The following FSTL1 variants were observed in gnomAD, a reference collection of about 807,000 sequenced individuals.
The protein encoded by FSTL1 is follistatin-related protein 1.
A neutral mutation model predicts 45.9 loss-of-function variants in FSTL1; 24 were observed. The ratio of observed to expected loss-of-function variants is 0.52; its 90% confidence interval spans 0.38 to 0.74. FSTL1 has a LOEUF of 0.74. Ranked by LOEUF, FSTL1 falls within the 30% of genes least tolerant of loss-of-function variation. FSTL1 has a pLI of 0.00. For missense variants in FSTL1, 340 were observed against 381.8 expected, an observed-to-expected ratio of 0.89 and a Z score of 0.91; for synonymous variants, 120 against 137.6, an observed-to-expected ratio of 0.87 and a Z score of 0.89.
intron 5 of FSTL1, chr3:120,410,132 G>A (rs1269083790): frequency 1.9e-5 from 3 of 161,810 alleles, no homozygotes; most frequent in Non-Finnish European, 4.1e-5. Flanking sequence ...ACTTACAACT[G>A]TATACCACCT....
intron 2 of FSTL1, chr3:120,441,121 G>C (rs1937623051): frequency 6.6e-6 from 1 of 152,170 alleles, no homozygotes; most frequent in African/African-American, 2.4e-5. Context: ...TTGAAATAAT[G>C]AAAGCAAAGG....
At chr3:120,399,521 A>C (rs1936774712) in intron 10 of FSTL1, among the ~76,000 whole-genome samples, 2 of 152,306 alleles carry the variant, frequency 1.3e-5, no homozygotes, top group Middle Eastern at 6.8e-3. Flanking sequence ...GCCTGCTTTC[A>C]GGAGCTCACA....
intron 6 of FSTL1, among the ~76,000 whole-genome samples, chr3:120,406,723 G>A (rs996644213): frequency 6.6e-6 from 1 of 151,906 alleles, no homozygotes; most frequent in Non-Finnish European, 1.5e-5. Flanking sequence ...CCTAATCATG[G>A]ACCATGAACC....
chr3:120,425,203 C>T (rs1937355516), intron 2 of FSTL1, among the ~76,000 whole-genome samples: 1 of 152,010 alleles, frequency 6.6e-6, no homozygotes, highest in Non-Finnish European at 1.5e-5. Flanking sequence ...CAGTCAACAG[C>T]CTGCACAATG....
intron 3 of FSTL1, among the ~76,000 whole-genome samples, chr3:120,415,296 C>G (rs530389104): frequency 1.2e-4 from 18 of 152,192 alleles, no homozygotes; most frequent in African/African-American, 4.1e-4. Context: ...GTAAACAACC[C>G]AAAGAACCAA....
intron 3 of FSTL1, among the ~76,000 whole-genome samples, chr3:120,412,633 G>A (rs1937077876): frequency 6.6e-6 from 1 of 152,258 alleles, no homozygotes. Flanking sequence ...CACATCAAAT[G>A]AGCAGAAAGG....
At position 120,402,885 on chromosome 3, in the gene FSTL1, C is replaced by T. The variant is rs769875437; in HGVS notation, c.728G>A (p.Gly243Glu). Residue 243 changes from glycine to glutamate, a missense_variant, in exon 9 of 11, where the codon GGA becomes GAA. Transcript: ENST00000295633. The stretch of plus-strand genomic sequence containing the variant: ...GTTACAGTCCACCTCGGTCTCAGCT[C>T]CATCTGCATACGTTTCATCCTCCAG... ...CALEDETYAD[G>E]AETEVDCNRC... 7 of 1,613,336 alleles carry T rather than the reference C, an allele frequency of 4.3e-6. No individual in the cohort carries two copies. Among genetic ancestry groups the T allele is most frequent in the Non-Finnish European group, 5.1e-6 (6 of 1,179,288 alleles).
At chr3:120,428,614 A>C (rs186488231) in intron 2 of FSTL1, among the ~76,000 whole-genome samples, 1 of 152,218 alleles carries the variant, frequency 6.6e-6, no homozygotes, top group East Asian at 1.9e-4. Flanking sequence ...TGCACCTGTA[A>C]ATCCAGCTAC....
intron 2 of FSTL1, among the ~76,000 whole-genome samples, chr3:120,437,571 T>G (rs1937584138): frequency 6.6e-6 from 1 of 152,040 alleles, no homozygotes; most frequent in South Asian, 2.1e-4. Flanking sequence ...TGTCTATTTG[T>G]GTGTGTGTGT....
At chr3:120,403,075 T>G (rs928428492) in intron 8 of FSTL1, among the ~76,000 whole-genome samples, 157 bp from the exon 9 acceptor site, 1 of 152,040 alleles carries the variant, frequency 6.6e-6, no homozygotes, top group Non-Finnish European at 1.5e-5. Flanking sequence ...ACCTAAAGAA[T>G]GTGGGGCCCT....
At chr3:120,440,350 C>G (rs142546657) in intron 2 of FSTL1, among the ~76,000 whole-genome samples, 3 of 152,226 alleles carry the variant, frequency 2.0e-5, no homozygotes, top group Non-Finnish European at 4.4e-5. Flanking sequence ...GAAAGTTAAA[C>G]GGCTGGGTCT....
At chr3:120,437,165 T>A (rs1172099906) in intron 2 of FSTL1, among the ~76,000 whole-genome samples, 1 of 152,230 alleles carries the variant, frequency 6.6e-6, no homozygotes, top group African/African-American at 2.4e-5. Flanking sequence ...ATTTTCTTTT[T>A]CTCTGTCACA....
At chr3:120,414,456 C>T (rs1188490302) in intron 3 of FSTL1, among the ~76,000 whole-genome samples, 3 of 151,956 alleles carry the variant, frequency 2.0e-5, no homozygotes, top group Non-Finnish European at 4.4e-5. Context: ...AGTGAGGAGC[C>T]CCTCTGCCCG....
At chr3:120,446,055 T>C (rs901025567) in intron 2 of FSTL1, among the ~76,000 whole-genome samples, 3 of 138,712 alleles carry the variant, frequency 2.2e-5, no homozygotes, top group Non-Finnish European at 4.4e-5. Flanking sequence ...TTTTTTTCCC[T>C]ATTAACTGGT....
At chr3:120,397,569 A>T (rs187291980) in intron 10 of FSTL1, among the ~76,000 whole-genome samples, 137 of 152,356 alleles carry the variant, frequency 9.0e-4, no homozygotes, top group African/African-American at 3.2e-3. Context: ...AATCAAAACC[A>T]CTTGACACCC....
At chr3:120,433,255 T>C (rs1459935871) in intron 2 of FSTL1, among the ~76,000 whole-genome samples, 1 of 152,242 alleles carries the variant, frequency 6.6e-6, no homozygotes, top group African/African-American at 2.4e-5. Flanking sequence ...CAACTTCACC[T>C]GGGACTGAGA....
Position 120,396,795 on chromosome 3 carries a change from C to T in FSTL1, c.*157G>A, listed in dbSNP as rs1936710161. ...CCTTCCCTTCCTAGCCAGCCACCTT[C>T]ATATCCTTTATTGCAAAACAAATAA... On this transcript the variant is annotated 3_prime_UTR_variant, in exon 11 of 11. Transcript: ENST00000295633. The T allele has an allele frequency of 3.0e-6, 2 of 659,298 alleles. No individual in the cohort carries two copies. The highest frequency in any genetic ancestry group is 3.7e-5 in the South Asian group (2 of 54,064). The allele number at this position is 659,298 out of a possible 1,614,324, so 40.8% of individuals were successfully genotyped here.
intron 4 of FSTL1, 121 bp from the exon 5 acceptor site, chr3:120,411,105 T>C: frequency 1.5e-6 from 1 of 680,296 alleles, no homozygotes; most frequent in Non-Finnish European, 2.6e-6. Flanking sequence ...TTCATCATTT[T>C]GTCTTGAATC....
At chr3:120,406,049 A>G (rs1004953633) in intron 6 of FSTL1, among the ~76,000 whole-genome samples, 2 of 152,102 alleles carry the variant, frequency 1.3e-5, no homozygotes, top group Non-Finnish European at 2.9e-5. Context: ...GGGAAGATGT[A>G]GCTAACAACT....
Sources: gnomAD v4.1 joint callset for allele counts (sites outside exome capture counted in the v4.1 genomes callset) on GRCh38, gnomAD v4.1.1 for gene constraint, MANE v1.5 for transcripts, NCBI Gene and HGNC (gene_info 2026-07-23, HGNC 2026-07-21) for gene names.